CIB4: variants seen among roughly 807,000 people sequenced by gnomAD.
The protein encoded by CIB4 is calcium and integrin-binding family member 4.
In CIB4, 25 loss-of-function variants were observed where a neutral mutation model predicts 25.8. That is an observed-to-expected ratio of 0.97 (90% confidence interval 0.71 to 1.35). The LOEUF (loss-of-function observed/expected upper bound fraction) is 1.35, where lower values mean the gene tolerates loss of function less well. Ranked by LOEUF, CIB4 falls within the 40% of genes most tolerant of loss-of-function variation. The probability of loss-of-function intolerance (pLI) is 0.00; values close to 1 mark genes in which losing one functional copy is unlikely to be tolerated. For synonymous variants in CIB4, 75 were observed against 81.4 expected (o/e 0.92, Z 0.42); for missense variants, 235 against 228.2 (o/e 1.03, Z -0.19).
chr2:26,634,318 T>A (rs1203565416), intron 2 of CIB4, among the ~76,000 whole-genome samples: 1 of 152,212 alleles, frequency 6.6e-6, no homozygotes, highest in East Asian at 1.9e-4. Context: ...TAAATGGTCC[T>A]TCTTTAGCCT....
chr2:26,623,773 C>T (rs1309057420), intron 3 of CIB4: 1 of 292,312 alleles, frequency 3.4e-6, no homozygotes, highest in Admixed American at 4.1e-5. Context: ...TGCAGGCCTC[C>T]ACCCTACCTG....
intron 3 of CIB4, among the ~76,000 whole-genome samples, chr2:26,599,962 A>G (rs1234202175): frequency 6.9e-6 from 1 of 145,482 alleles, no homozygotes; most frequent in Non-Finnish European, 1.5e-5. Flanking sequence ...AGTCCCAGCT[A>G]CTCAGGAGGC....
At position 26,634,605 on chromosome 2, in the gene CIB4, G is replaced by A. The variant is rs145405920; in HGVS notation, c.90-5099C>T. On this transcript the variant is annotated intron_variant, in intron 2 of 6. Transcript: ENST00000288861. Reference sequence around the variant, plus strand: ...AAGGATGGAAACTGATGCTCAGGGAGGGTAAGACACTCCCCCGTGTTTGCA... The same window carrying A: ...AAGGATGGAAACTGATGCTCAGGGAAGGTAAGACACTCCCCCGTGTTTGCA... 8.3e-3 allele frequency among the ~76,000 whole-genome samples: 1,265 copies of A among 152,314 alleles called. 8 individuals carry two copies. The highest frequency in any genetic ancestry group is 0.013 in the Non-Finnish European group (909 of 68,024).
At chr2:26,608,971 CTAATTTCTGCCA>C in intron 3 of CIB4, among the ~76,000 whole-genome samples, 1 of 152,182 alleles carries the variant, frequency 6.6e-6, no homozygotes, top group Non-Finnish European at 1.5e-5. Flanking sequence ...CTTCCCTCTT[CTAATTTCTGCCA>C]GATTTTTTTA....
At chr2:26,634,354 T>A (rs1669491388) in intron 2 of CIB4, among the ~76,000 whole-genome samples, 1 of 152,206 alleles carries the variant, frequency 6.6e-6, no homozygotes, top group Non-Finnish European at 1.5e-5. Context: ...AGTTCCCTGA[T>A]CTGCTACTTG....
At chr2:26,615,021 T>C (rs935832394) in intron 3 of CIB4, among the ~76,000 whole-genome samples, 1 of 152,058 alleles carries the variant, frequency 6.6e-6, no homozygotes, top group Non-Finnish European at 1.5e-5. Flanking sequence ...GTGAGAAACG[T>C]GATGAGAAGC....
At chr2:26,612,110 G>A (rs1331625912) in intron 3 of CIB4, among the ~76,000 whole-genome samples, 4 of 105,420 alleles carry the variant, frequency 3.8e-5, no homozygotes, top group Non-Finnish European at 7.7e-5. Flanking sequence ...TCCTTCCCAG[G>A]GGGTTGGAGG....
chr2:26,582,002 A>G (rs1668354693), intron 6 of CIB4, among the ~76,000 whole-genome samples: 1 of 152,348 alleles, frequency 6.6e-6, no homozygotes, highest in South Asian at 2.1e-4. Flanking sequence ...GACAAAGCGG[A>G]GACAGCTGGT....
chr2:26,589,048 T>TTCCTCTTCC (rs1558554755), intron 4 of CIB4, among the ~76,000 whole-genome samples: 4 of 48,968 alleles, frequency 8.2e-5, no homozygotes, highest in Admixed American at 2.1e-4. Context: ...CTTCTTCTTC[T>TTCCTCTTCC]TCTTCTTCTT....
intron 4 of CIB4, among the ~76,000 whole-genome samples, chr2:26,593,598 G>C (rs1455384822): frequency 6.6e-6 from 1 of 152,090 alleles, no homozygotes; most frequent in Non-Finnish European, 1.5e-5. Flanking sequence ...CCATTCTTGA[G>C]AATTCATCAA....
chr2:26,631,488 A>G (rs1396742281), intron 2 of CIB4, among the ~76,000 whole-genome samples: 1 of 152,090 alleles, frequency 6.6e-6, no homozygotes. Flanking sequence ...AACAACAAAA[A>G]CTAGGTGAAG....
chr2:26,584,592 C>T (rs1299673401), intron 4 of CIB4, among the ~76,000 whole-genome samples: 2 of 152,232 alleles, frequency 1.3e-5, no homozygotes, highest in East Asian at 1.9e-4. Flanking sequence ...CAACCCCGTG[C>T]ATCCTCCTTC....
At chr2:26,592,467 T>C (rs977660875) in intron 4 of CIB4, among the ~76,000 whole-genome samples, 11 of 152,246 alleles carry the variant, frequency 7.2e-5, no homozygotes, top group African/African-American at 2.7e-4. Context: ...CATACCCTGC[T>C]TGGAGTTCAC....
At position 26,629,590 on chromosome 2, in the gene CIB4, T is replaced by C. The variant is rs1384405871; in HGVS notation, c.90-84A>G. 7 of 892,248 alleles carry C rather than the reference T, an allele frequency of 7.8e-6. No homozygotes were observed. In the East Asian group the frequency reaches 1.3e-4, roughly 17 times the overall value. The allele number at this position is 892,248 out of a possible 1,614,324, so 55.3% of individuals were successfully genotyped here. The stretch of plus-strand genomic sequence containing the variant: ...CGGGGAAAGGAGGCCAGCAAGCCTG[T>C]CTCCTGCTGCAAGGGGTGGGGGTGT... On this transcript the variant is annotated intron_variant, in intron 2 of 6. Coordinates refer to ENST00000288861, the MANE Select transcript of CIB4 (RefSeq NM_001029881.3).
At chr2:26,636,375 A>G (rs1225201005) in intron 2 of CIB4, among the ~76,000 whole-genome samples, 1 of 152,084 alleles carries the variant, frequency 6.6e-6, no homozygotes, top group Non-Finnish European at 1.5e-5. Flanking sequence ...TTGTGTGCCT[A>G]TCTTTATTTC....
At chr2:26,595,467 T>C in intron 3 of CIB4, 150 bp from the exon 4 acceptor site, 1 of 865,844 alleles carries the variant, frequency 1.2e-6, no homozygotes, top group South Asian at 2.0e-5. Flanking sequence ...GGTGGCTCAC[T>C]GAGCCAGGAC....
intron 3 of CIB4, among the ~76,000 whole-genome samples, chr2:26,601,243 T>A (rs1455808534): frequency 0.063 from 3,513 of 55,442 alleles, 200 homozygotes; most frequent in African/African-American, 0.082. Flanking sequence ...TATATATATA[T>A]ATATATATAT....
chr2:26,618,552 G>A (rs771589201), intron 3 of CIB4, among the ~76,000 whole-genome samples: 2 of 152,246 alleles, frequency 1.3e-5, no homozygotes, highest in Non-Finnish European at 2.9e-5. Context: ...CTCCCACCTC[G>A]ACCTCCTAAA....
intron 3 of CIB4, among the ~76,000 whole-genome samples, chr2:26,607,394 A>G (rs1309088136): frequency 1.3e-5 from 2 of 152,234 alleles, no homozygotes; most frequent in African/African-American, 2.4e-5. Flanking sequence ...AACATCTATT[A>G]CAGGAGAAAC....
Sources: gnomAD v4.1 joint callset for allele counts (sites outside exome capture counted in the v4.1 genomes callset) on GRCh38, gnomAD v4.1.1 for gene constraint, MANE v1.5 for transcripts, NCBI Gene and HGNC (gene_info 2026-07-23, HGNC 2026-07-21) for gene names.